Variants in KLF16 observed in about 807,000 individuals in gnomAD.
KLF16 encodes the protein KLF transcription factor 16, also known as Krueppel-like factor 16.
Under a neutral mutation model 6.1 loss-of-function variants are expected in KLF16, and 6 were observed. The observed-to-expected ratio is 0.98, with a 90% CI of 0.54 to 1.93. KLF16 has a LOEUF of 1.93. Ranked by LOEUF, KLF16 falls within the 30% of genes most tolerant of loss-of-function variation. The probability of loss-of-function intolerance (pLI) is 0.01; values close to 1 mark genes in which losing one functional copy is unlikely to be tolerated. For synonymous variants in KLF16, 211 were observed against 176.5 expected, an observed-to-expected ratio of 1.20 and a Z score of -1.55; for missense variants, 355 against 363.8, an observed-to-expected ratio of 0.98 and a Z score of 0.20.
At position 1,856,825 on chromosome 19, in the gene KLF16, G is replaced by A. The variant is rs563105103; in HGVS notation, c.458-2065C>T. Among the ~76,000 whole-genome samples, 4 of 152,288 alleles carry A rather than the reference G, an allele frequency of 2.6e-5. No homozygotes were observed. The East Asian group carries it at 7.7e-4, about 29-fold the overall frequency. On this transcript the variant is annotated intron_variant, in intron 1 of 1. Transcript: ENST00000250916. ...AGGCACAGGCGGGGAGGCGGCAGGAGGGAAGGGGGAACATCCCACGGCTGG... is the reference window on the plus strand; with the variant it reads ...AGGCACAGGCGGGGAGGCGGCAGGAAGGAAGGGGGAACATCCCACGGCTGG...
intron 1 of KLF16, among the ~76,000 whole-genome samples, chr19:1,855,609 T>C (rs2011934113): frequency 6.6e-6 from 1 of 152,248 alleles, no homozygotes; most frequent in Admixed American, 6.5e-5. Context: ...TGGGCCTGCC[T>C]GTGCGCCTCC....
rs1226995831 is a variant in KLF16 at position 1,857,088 on chromosome 19, G to A, written c.458-2328C>T. ...GTGGTCCCACTCCCGCCGGGGCCAG[G>A]GGGCCCGGGCCAGGGTCGCCTCTCC... On this transcript the variant is annotated intron_variant, in intron 1 of 1. Transcript: ENST00000250916. The surrounding 1 kb of genome is among the most constrained non-coding windows in gnomAD (Gnocchi z 4.7). Among the ~76,000 whole-genome samples, 1 of 151,940 alleles carries A rather than the reference G, an allele frequency of 6.6e-6. No individual in the cohort carries two copies. Among genetic ancestry groups the A allele is most frequent in the African/African-American group, 2.4e-5 (1 of 41,348 alleles).
At chr19:1,858,387 C>A (rs1307219256) in intron 1 of KLF16, among the ~76,000 whole-genome samples, 1 of 152,194 alleles carries the variant, frequency 6.6e-6, no homozygotes, top group African/African-American at 2.4e-5. Context: ...CTGGTGCCCC[C>A]CAAGCACCCT....
intron 1 of KLF16, among the ~76,000 whole-genome samples, chr19:1,858,699 C>A (rs932027093): frequency 2.6e-5 from 4 of 152,068 alleles, no homozygotes; most frequent in African/African-American, 9.7e-5. Flanking sequence ...TCACTACTCC[C>A]TTCTACATAA....
At chr19:1,860,168 C>G (rs2012035854) in intron 1 of KLF16, 1 of 151,546 alleles carries the variant, frequency 6.6e-6, no homozygotes, top group African/African-American at 2.4e-5. Context: ...AGCAGGGAGC[C>G]GACAGCCAGC....
At chr19:1,870,885 ACT>A in the KLF16 span, among the ~76,000 whole-genome samples, 1 of 152,016 alleles carries the variant, frequency 6.6e-6, no homozygotes, top group East Asian at 1.9e-4. Context: ...AATCCCAGCT[ACT>A]CGGGAGGCTG....
At chr19:1,869,566 G>T in the KLF16 span, among the ~76,000 whole-genome samples, 31 of 152,190 alleles carry the variant, frequency 2.0e-4, no homozygotes, top group African/African-American at 7.2e-4. Context: ...TGCACCACCC[G>T]TGCAGCTCTT....
upstream of KLF16, among the ~76,000 whole-genome samples, chr19:1,866,411 G>A (rs1203758580): frequency 6.6e-6 from 1 of 151,818 alleles, no homozygotes; most frequent in African/African-American, 2.4e-5. Context: ...GAGAGTTCGA[G>A]ACCAGCCTGA....
upstream of KLF16, among the ~76,000 whole-genome samples, chr19:1,868,478 T>A (rs12984729): frequency 0.056 from 1,143 of 20,576 alleles, 27 homozygotes; most frequent in Middle Eastern, 0.12. Context: ...TTTTTTTTTT[T>A]TTTTTTTTTT....
chr19:1,863,167 A>C lies in KLF16; in HGVS notation c.331T>G (p.Ser111Ala). Residue 111 changes from serine to alanine, a missense_variant, in exon 1 of 2, where the codon TCC (serine) becomes GCC (alanine). Coordinates refer to ENST00000250916, the MANE Select transcript of KLF16 (RefSeq NM_031918.4). ...ASSSSAASSP[S>A]SGRAPGAAPS... is the part of the protein sequence containing the mutation. ...GCGGCGCCGGGGGCGCGGCCCGAGG[A>C]CGGGGACGAGGCGGCTGAGGAGGAG... 7.9e-7 allele frequency: 1 copy of C among 1,268,542 alleles called. No homozygotes were observed. The highest frequency in any genetic ancestry group is 1.0e-6 in the Non-Finnish European group (1 of 991,302). 78.6% of individuals were successfully genotyped at this position (1,268,542 alleles called of 1,614,324 possible).
chr19:1,867,447 C>T (rs1289451913), upstream of KLF16, among the ~76,000 whole-genome samples: 1 of 152,252 alleles, frequency 6.6e-6, no homozygotes, highest in African/African-American at 2.4e-5. Context: ...TGGTAGTGCA[C>T]GCCTGTGGTC....
chr19:1,866,027 G>A (rs1038474270), upstream of KLF16, among the ~76,000 whole-genome samples: 1 of 152,234 alleles, frequency 6.6e-6, no homozygotes, highest in Non-Finnish European at 1.5e-5. Flanking sequence ...CTGCAGGCCG[G>A]GTGCAGTGGC....
rs371265132 is a variant in KLF16, at chr19:1,854,937, C to T, written c.458-177G>A. ...AAGAATACAACCCTTACCCGCCCCC[C>T]GGTGGCCCAACACGAGACCCTAATA... On this transcript the variant is annotated intron_variant, in intron 1 of 1. Coordinates refer to ENST00000250916, the MANE Select transcript of KLF16 (RefSeq NM_031918.4). 8.4e-4 allele frequency among the ~76,000 whole-genome samples: 128 copies of T among 152,248 alleles called. 2 individuals are homozygous for T. The East Asian group carries it at 0.022, about 27-fold the overall frequency.
intron 1 of KLF16, among the ~76,000 whole-genome samples, chr19:1,855,029 G>A (rs1045899328): frequency 3.3e-5 from 5 of 152,114 alleles, no homozygotes; most frequent in African/African-American, 7.2e-5. Context: ...TCTGTTAACC[G>A]TAAGTAACCG....
At chr19:1,867,508 A>AAGGC (rs2012206728), upstream of KLF16, among the ~76,000 whole-genome samples, 1 of 151,416 alleles carries the variant, frequency 6.6e-6, no homozygotes, top group Non-Finnish European at 1.5e-5. Flanking sequence ...CCCCGAGGTC[A>AAGGC]AGGCTGCAGA....
intron 1 of KLF16, 72 bp from the exon 2 acceptor site, chr19:1,854,832 T>C: frequency 6.6e-7 from 1 of 1,512,810 alleles, no homozygotes; most frequent in Middle Eastern, 1.8e-4. Flanking sequence ...TTCCAGCAGA[T>C]CCCAAAGGGT....
rs986349111 is a variant in KLF16 at position 1,863,299 on chromosome 19, C to A, written c.199G>T (p.Gly67Cys). ...GPPPPPPAAS[G>C]PGPGAAAAPH... ...GCCGCGGCGGCGCCGGGGCCCGGGC[C>A]AGAAGCGGCGGGGGGCGGCGGGGGT... The change falls in exon 1 of 2, where the codon GGC (glycine) becomes TGC (cysteine). Residue 67 changes from glycine (G) to cysteine (C), a missense_variant. Physicochemically the swap from Gly to Cys is radical, Grantham distance 159. Transcript: ENST00000250916. 2.0e-6 allele frequency: 2 copies of A among 982,556 alleles called. No individual in the cohort carries two copies. The highest frequency in any genetic ancestry group is 1.8e-5 in the African/African-American group (1 of 56,102). The allele number at this position is 982,556 out of a possible 1,614,324, so 60.9% of individuals were successfully genotyped here. A position where few individuals can be genotyped will look rare whatever the true frequency, so the allele number is the denominator to read the frequency against.
At chr19:1,864,973 AGGCCCT>A (rs2012162582), upstream of KLF16, among the ~76,000 whole-genome samples, 1 of 152,184 alleles carries the variant, frequency 6.6e-6, no homozygotes, top group Non-Finnish European at 1.5e-5. Flanking sequence ...GCATGGACAG[AGGCCCT>A]GACCCGATTC....
chr19:1,869,107 GAA>G, the KLF16 span, among the ~76,000 whole-genome samples: 14 of 152,284 alleles, frequency 9.2e-5, no homozygotes, highest in African/African-American at 3.1e-4. Context: ...GCCAGGAAAG[GAA>G]AAGACTTTGG....
Sources: gnomAD v4.1 joint callset for allele counts (sites outside exome capture counted in the v4.1 genomes callset) on GRCh38, gnomAD v4.1.1 for gene constraint, Gnocchi (gnomAD v3.1) non-coding constraint, MANE v1.5 for transcripts, NCBI Gene and HGNC (gene_info 2026-07-23, HGNC 2026-07-21) for gene names.